The following XG variants were observed in gnomAD, a reference collection of about 807,000 sequenced individuals.
XG encodes the protein Xg glycoprotein (Xg blood group), also known as glycoprotein Xg.
A neutral mutation model predicts 25.7 loss-of-function variants in XG; 24 were observed. The ratio of observed to expected loss-of-function variants is 0.93; its 90% CI spans 0.68 to 1.31. XG has a LOEUF of 1.31. Among genes scored for constraint, XG ranks in the 40% most tolerant of loss-of-function variants. The pLI, the probability that XG is intolerant of heterozygous loss-of-function variation, is 0.00. For missense variants in XG, 181 were observed against 187.6 expected, an observed-to-expected ratio of 0.96 and a Z score of 0.21; for synonymous variants, 77 against 69.2, an observed-to-expected ratio of 1.11 and a Z score of -0.56.
Position 2,815,124 on chromosome X carries a change from G to A in XG, c.*744G>A, listed in dbSNP as rs147232224. ...GAGACAGAAATAGTGATTATCAGGC[G>A]TTGAGCCTTTTTGTAGTATTTTTAG... is the stretch of plus-strand genomic sequence containing the variant. On this transcript the variant is annotated 3_prime_UTR_variant, in exon 11 of 11. Transcript: ENST00000644266. The A allele has an allele frequency of 1.0e-3, 112 of 111,625 alleles. No homozygotes were observed. The highest frequency in any genetic ancestry group is 3.5e-3 in the African/African-American group (108 of 30,784). The allele number at this position is 111,625 out of a possible 1,213,427, so 9.2% of individuals were successfully genotyped here.
intron 3 of XG, among the ~76,000 whole-genome samples, chrX:2,777,286 A>C (rs1439605849): frequency 6.6e-6 from 1 of 152,244 alleles, no homozygotes; most frequent in Non-Finnish European, 1.5e-5. Flanking sequence ...GAACTGAGTA[A>C]AAGTAGTTAG....
At chrX:2,753,375 G>T (rs2050372161) in intron 1 of XG, among the ~76,000 whole-genome samples, 1 of 152,138 alleles carries the variant, frequency 6.6e-6, no homozygotes, top group Non-Finnish European at 1.5e-5. Flanking sequence ...GTACTTCCAG[G>T]AGTTTGTATC....
chrX:2,789,101 T>C (rs5939324), intron 4 of XG, among the ~76,000 whole-genome samples: 61,368 of 109,059 alleles, frequency 0.56, 14,324 homozygotes, highest in Non-Finnish European at 0.74. Context: ...TATGGTGGTA[T>C]GCACCTGTAG....
Position 2,770,608 on chromosome X carries a change from C to G in XG, c.103+17C>G. On this transcript the variant is annotated intron_variant, in intron 2 of 10. Coordinates refer to ENST00000644266, the MANE Select transcript of XG (RefSeq NM_001141919.2). ...ATGACCCTGGTAAGTGCCGATATTT[C>G]AAGGGGAGCCTTCCCTTTTCAGCTT... 2 of 1,613,828 alleles carry G rather than the reference C, an allele frequency of 1.2e-6. No homozygotes were observed. Among genetic ancestry groups the G allele is most frequent in the East Asian group, 4.5e-5 (2 of 44,862 alleles).
At chrX:2,787,946 G>A (rs1349306808) in intron 4 of XG, among the ~76,000 whole-genome samples, 1 of 107,526 alleles carries the variant, frequency 9.3e-6, no homozygotes, top group Non-Finnish European at 1.9e-5. Context: ...GGCAGGGCAT[G>A]GTGGTCCATG....
rs768251464 is a variant in XG, at chrX:2,766,259, G to A, written c.62-4291G>A. ...AGGTTCAAGCAATTCTCCTGCCTCAGCCTCCTGAGTAGCTGGGATTACAGG... is the reference window on the plus strand; with the variant it reads ...AGGTTCAAGCAATTCTCCTGCCTCAACCTCCTGAGTAGCTGGGATTACAGG... On this transcript the variant is annotated intron_variant, in intron 1 of 10. Transcript: ENST00000644266. 9.9e-5 allele frequency among the ~76,000 whole-genome samples: 15 copies of A among 152,272 alleles called. No homozygotes were observed. The East Asian group carries it at 2.5e-3, about 26-fold the overall frequency.
At chrX:2,773,917 A>G (rs1031554971) in intron 2 of XG, among the ~76,000 whole-genome samples, 1 of 152,114 alleles carries the variant, frequency 6.6e-6, no homozygotes, top group Non-Finnish European at 1.5e-5. Flanking sequence ...GAAACCTTCT[A>G]TTAAAATACA....
intron 6 of XG, among the ~76,000 whole-genome samples, chrX:2,796,488 G>GTGTGTA (rs1555894182): frequency 9.8e-6 from 1 of 102,504 alleles, no homozygotes; most frequent in African/African-American, 4.1e-5. Context: ...GTGTGTGTGT[G>GTGTGTA]TATATATATA....
At chrX:2,779,565 G>C (rs1283225165) in intron 3 of XG, among the ~76,000 whole-genome samples, 4 of 152,036 alleles carry the variant, frequency 2.6e-5, no homozygotes, top group African/African-American at 9.7e-5. Flanking sequence ...CTTCCCCGCA[G>C]ACACCAAAAT....
chrX:2,763,750 C>A lies in XG; in HGVS notation c.62-6800C>A, dbSNP rs764034653. On this transcript the variant is annotated intron_variant, in intron 1 of 10. Transcript: ENST00000644266. ...TTGAAAACCCTCAGCTACTGGCCAC[C>A]CAGGAGGTTGGGTCTTGAGGCATCA... 3.7e-4 allele frequency among the ~76,000 whole-genome samples: 56 copies of A among 152,214 alleles called. 1 individual carries two copies. In the South Asian group the frequency reaches 5.0e-3, roughly 14 times the overall value.
intron 2 of XG, 75 bp downstream of exon 2, chrX:2,770,666 G>A: frequency 6.3e-7 from 1 of 1,590,166 alleles, no homozygotes; most frequent in South Asian, 1.1e-5. Context: ...TAGTTACTTT[G>A]GGGTTGGATT....
rs376019455 is a variant in XG at position 2,807,009 on chromosome X, CAT to C, written c.418+267_418+268del. On this transcript the variant is annotated intron_variant, in intron 8 of 10. Transcript: ENST00000644266. ...ATGTGTGTGCACGTGTGTGTGTATA[CAT>C]ATGTGTTCACACACAGGTATGCTTG... is the stretch of plus-strand genomic sequence containing the variant. Among the ~76,000 whole-genome samples the C allele has an allele frequency of 7.3e-3, 817 of 112,412 alleles. 10 individuals are homozygous for C. Among genetic ancestry groups the C allele is most frequent in the African/African-American group, 0.025 (761 of 30,875 alleles).
intron 7 of XG, among the ~76,000 whole-genome samples, chrX:2,803,017 C>A (rs1286836198): frequency 2.7e-5 from 3 of 111,477 alleles, no homozygotes; most frequent in Admixed American, 9.5e-5. Flanking sequence ...TCGGTTAGGT[C>A]AGATCTCTTT....
chrX:2,791,277 A>G (rs111357715), intron 5 of XG, among the ~76,000 whole-genome samples: 30 of 111,264 alleles, frequency 2.7e-4, no homozygotes, highest in Non-Finnish European at 5.3e-4. Flanking sequence ...TGAGGAAGCT[A>G]AGATACACTG....
chrX:2,769,887 G>C (rs773295223), intron 1 of XG, among the ~76,000 whole-genome samples: 1 of 152,118 alleles, frequency 6.6e-6, no homozygotes, highest in African/African-American at 2.4e-5. Context: ...TCTTGTTTGT[G>C]TTGCAGCCAG....
chrX:2,767,536 C>T (rs1042953765), intron 1 of XG, among the ~76,000 whole-genome samples: 6 of 152,140 alleles, frequency 3.9e-5, no homozygotes, highest in East Asian at 1.9e-4. Flanking sequence ...GTTCCTGCCC[C>T]GTCTTATGTT....
chrX:2,771,373 C>T (rs982420769), intron 2 of XG, among the ~76,000 whole-genome samples: 4 of 152,134 alleles, frequency 2.6e-5, no homozygotes, highest in Admixed American at 1.3e-4. Context: ...CCTTCACTGA[C>T]GGGGCTGTGA....
At chrX:2,776,702 G>T (rs2051001024) in intron 3 of XG, among the ~76,000 whole-genome samples, 1 of 152,114 alleles carries the variant, frequency 6.6e-6, no homozygotes, top group Non-Finnish European at 1.5e-5. Context: ...AAAAAAATTT[G>T]CCAGGCATGG....
chrX:2,767,095 G>A (rs1400990632), intron 1 of XG, among the ~76,000 whole-genome samples: 4 of 151,980 alleles, frequency 2.6e-5, no homozygotes, highest in African/African-American at 7.3e-5. Context: ...TGCACTTGGC[G>A]GTATTGTTTC....
Sources: allele counts gnomAD v4.1 joint callset (sites outside exome capture counted in the v4.1 genomes callset), GRCh38; gene constraint gnomAD v4.1.1; transcripts MANE v1.5; gene names NCBI Gene and HGNC (gene_info 2026-07-23, HGNC 2026-07-21).